The following PTPRK variants were observed in gnomAD, a reference collection of about 807,000 sequenced individuals.
The protein encoded by PTPRK is protein tyrosine phosphatase receptor type K, also known as receptor-type tyrosine-protein phosphatase kappa.
A neutral mutation model predicts 178.0 loss-of-function variants in PTPRK; 75 were observed. That is an observed-to-expected ratio of 0.42 (90% confidence interval 0.35 to 0.51). The LOEUF (loss-of-function observed/expected upper bound fraction) is 0.51, where lower values mean the gene tolerates loss of function less well. PTPRK is among the 20% of genes least tolerant of loss of function. PTPRK has a pLI of 0.02. For missense variants in PTPRK, 1,441 were observed against 1,797.8 expected (o/e 0.80, Z 3.59); for synonymous variants, 637 against 620.6 (o/e 1.03, Z -0.39).
chr6:128,169,506 A>C (rs1262612744), intron 7 of PTPRK, among the ~76,000 whole-genome samples: 1 of 152,012 alleles, frequency 6.6e-6, no homozygotes, highest in Non-Finnish European at 1.5e-5. Context: ...TTTACCAATG[A>C]AATGACTTGA....
At chr6:128,455,068 A>C (rs938251049) in intron 1 of PTPRK, among the ~76,000 whole-genome samples, 18 of 152,190 alleles carry the variant, frequency 1.2e-4, no homozygotes, top group African/African-American at 3.9e-4. Flanking sequence ...AACTATTCTA[A>C]GTAACTCAGA....
In PTPRK at chr6:128,458,395, G is replaced by A. The variant is rs1377637255; in HGVS notation, c.101-60707C>T. Among the ~76,000 whole-genome samples the A allele has an allele frequency of 2.0e-5, 3 of 152,198 alleles. No homozygotes were observed. The South Asian group carries it at 6.2e-4, about 32-fold the overall frequency. ...GATGACACTCTCCTTACAGATATGA[G>A]TATGCAGTCATAAATACAGAATATA... On this transcript the variant is annotated intron_variant, in intron 1 of 29. Transcript: ENST00000368226.
rs994781265 is a variant in PTPRK at position 127,986,023 on chromosome 6, T to C, written c.3097-148A>G. 49 of 681,620 alleles carry C rather than the reference T, an allele frequency of 7.2e-5. No individual in the cohort carries two copies. The Admixed American group carries it at 1.1e-3, about 15-fold the overall frequency. 42.2% of individuals were successfully genotyped at this position (681,620 alleles called of 1,614,324 possible). Reference sequence around the variant, plus strand: ...TATGCCTTTTCTTAAAAAAAAAATATAATAAAATGAAGGCCTAACATGGAC... The same window carrying C: ...TATGCCTTTTCTTAAAAAAAAAATACAATAAAATGAAGGCCTAACATGGAC... On this transcript the variant is annotated intron_variant, in intron 21 of 29. Coordinates refer to ENST00000368226, the MANE Select transcript of PTPRK (RefSeq NM_002844.4).
intron 5 of PTPRK, chr6:128,235,464 G>T: frequency 3.0e-6 from 1 of 328,600 alleles, no homozygotes; most frequent in Non-Finnish European, 6.5e-6. Context: ...TTTCCCATAA[G>T]TAGAGCTTTA....
At chr6:128,105,126 AT>A (rs1789469979) in intron 7 of PTPRK, among the ~76,000 whole-genome samples, 2 of 144,146 alleles carry the variant, frequency 1.4e-5, no homozygotes, top group Non-Finnish European at 3.0e-5. Flanking sequence ...TACCTCACTT[AT>A]TTCTTTTTTT....
intron 6 of PTPRK, among the ~76,000 whole-genome samples, chr6:128,204,258 T>C (rs1806514114): frequency 6.6e-6 from 1 of 152,052 alleles, no homozygotes; most frequent in Non-Finnish European, 1.5e-5. Flanking sequence ...CCTTAAAACA[T>C]ATACAAAAAT....
chr6:128,067,442 T>C (rs1782003713), intron 12 of PTPRK, 77 bp downstream of exon 12: 1 of 1,350,052 alleles, frequency 7.4e-7, no homozygotes, highest in East Asian at 2.4e-5. Context: ...TCTTGACGGA[T>C]GCTACTGAGT....
At chr6:128,005,328 C>A in intron 14 of PTPRK, 84 bp from the exon 15 acceptor site, 1 of 1,347,468 alleles carries the variant, frequency 7.4e-7, no homozygotes, top group Non-Finnish European at 1.0e-6. Flanking sequence ...TCCAGGTGAG[C>A]CCGAGGATAA....
intron 13 of PTPRK, among the ~76,000 whole-genome samples, chr6:128,039,123 CA>C (rs1776731126): frequency 6.6e-6 from 1 of 152,088 alleles, no homozygotes; most frequent in Non-Finnish European, 1.5e-5. Flanking sequence ...TATCCTATAA[CA>C]GAGAATGTAA....
chr6:128,343,351 T>C (rs1187707438), intron 2 of PTPRK, among the ~76,000 whole-genome samples: 1 of 151,658 alleles, frequency 6.6e-6, no homozygotes, highest in Non-Finnish European at 1.5e-5. Context: ...AATACAAAAA[T>C]TAGCTGGGCG....
At chr6:127,978,405 T>A (rs1384376365) in intron 25 of PTPRK, among the ~76,000 whole-genome samples, 2 of 152,164 alleles carry the variant, frequency 1.3e-5, no homozygotes, top group Non-Finnish European at 2.9e-5. Context: ...CTTCCCCCTT[T>A]GCTTGGCACT....
chr6:127,983,505 G>T (rs1583503751), intron 22 of PTPRK, 128 bp from the exon 23 acceptor site: 1 of 915,958 alleles, frequency 1.1e-6, no homozygotes, highest in East Asian at 2.6e-5. Context: ...CACAGCACTT[G>T]TCCCTGCTGT....
intron 1 of PTPRK, among the ~76,000 whole-genome samples, chr6:128,423,187 T>C (rs898377434): frequency 6.6e-6 from 1 of 152,232 alleles, no homozygotes; most frequent in Admixed American, 6.5e-5. Context: ...CTTAACCTTT[T>C]ATAAAGTGAC....
intron 17 of PTPRK, 53 bp from the exon 18 acceptor site, chr6:127,995,591 G>C: frequency 8.8e-7 from 1 of 1,134,570 alleles, no homozygotes; most frequent in Non-Finnish European, 1.3e-6. Context: ...CCTGTTCTGA[G>C]ACAATGTCAT....
At chr6:128,238,059 G>A in intron 5 of PTPRK, 1 of 448,050 alleles carries the variant, frequency 2.2e-6, no homozygotes, top group Non-Finnish European at 4.5e-6. Flanking sequence ...TTGATGTGGT[G>A]TTATTGAAAA....
intron 7 of PTPRK, among the ~76,000 whole-genome samples, chr6:128,151,176 A>G (rs971735542): frequency 6.9e-6 from 1 of 145,650 alleles, no homozygotes; most frequent in Non-Finnish European, 1.5e-5. Flanking sequence ...AAAAAATTTA[A>G]AAATTCAAAA....
intron 21 of PTPRK, among the ~76,000 whole-genome samples, chr6:127,990,479 A>T (rs953580833): frequency 2.0e-5 from 3 of 151,938 alleles, no homozygotes; most frequent in African/African-American, 7.3e-5. Context: ...CTTCCCCAAC[A>T]TTATTTTTCT....
intron 1 of PTPRK, among the ~76,000 whole-genome samples, chr6:128,469,078 G>GA (rs1206480543): frequency 6.6e-6 from 1 of 151,978 alleles, no homozygotes; most frequent in Non-Finnish European, 1.5e-5. Flanking sequence ...ACATTTGTAG[G>GA]AAAAAAAGAT....
At chr6:128,130,109 T>C (rs961871544) in intron 7 of PTPRK, among the ~76,000 whole-genome samples, 1 of 152,214 alleles carries the variant, frequency 6.6e-6, no homozygotes, top group African/African-American at 2.4e-5. Context: ...CAGATGACAA[T>C]ACTGCAGACA....
Sources: allele counts gnomAD v4.1 joint callset (sites outside exome capture counted in the v4.1 genomes callset), GRCh38; gene constraint gnomAD v4.1.1; transcripts MANE v1.5; gene names NCBI Gene and HGNC (gene_info 2026-07-23, HGNC 2026-07-21).